Variants in TENM3 observed in about 807,000 individuals in gnomAD.
TENM3 encodes the protein teneurin transmembrane protein 3.
TENM3 carries 63 observed loss-of-function variants against 255.1 expected under a neutral mutation model. The ratio of observed to expected loss-of-function variants is 0.25; its 90% CI spans 0.20 to 0.30. TENM3 has a LOEUF of 0.30. Ranked by LOEUF, TENM3 falls within the 10% of genes least tolerant of loss-of-function variation. The pLI is 1.00. For synonymous variants in TENM3, 1,306 were observed against 1,322.3 expected, an observed-to-expected ratio of 0.99 and a Z score of 0.27; for missense variants, 2,929 against 3,461.1, an observed-to-expected ratio of 0.85 and a Z score of 3.86.
intron 23 of TENM3, among the ~76,000 whole-genome samples, chr4:182,774,318 G>A (rs920187089): frequency 2.3e-4 from 35 of 152,002 alleles, no homozygotes; most frequent in African/African-American, 8.0e-4. Context: ...AACTGCTATT[G>A]CTTGAATTCA....
At chr4:182,014,334 C>T in the TENM3 span, among the ~76,000 whole-genome samples, 1 of 151,926 alleles carries the variant, frequency 6.6e-6, no homozygotes, top group South Asian at 2.1e-4. Flanking sequence ...GGTGCCCATT[C>T]CTCTACCTAT....
intron 10 of TENM3, among the ~76,000 whole-genome samples, chr4:182,681,035 T>G (rs1017491809): frequency 6.6e-6 from 1 of 152,198 alleles, no homozygotes; most frequent in Non-Finnish European, 1.5e-5. Flanking sequence ...ATTTTTCTTT[T>G]TATAGTTTTT....
the TENM3 span, among the ~76,000 whole-genome samples, chr4:181,804,441 G>GA: frequency 6.6e-6 from 1 of 151,978 alleles, no homozygotes; most frequent in Non-Finnish European, 1.5e-5. Flanking sequence ...ATAAACACAA[G>GA]AAAAAATGTG....
chr4:182,585,436 C>T (rs780121197), intron 3 of TENM3, among the ~76,000 whole-genome samples: 6 of 152,250 alleles, frequency 3.9e-5, no homozygotes, highest in Non-Finnish European at 8.8e-5. Flanking sequence ...TAAACGAGGT[C>T]ATCAGGGTGT....
the TENM3 span, among the ~76,000 whole-genome samples, chr4:181,640,416 T>C: frequency 6.6e-6 from 1 of 152,224 alleles, no homozygotes; most frequent in African/African-American, 2.4e-5. Context: ...CAATTGCCCA[T>C]CACTGCTTTC....
chr4:182,365,106 G>A (rs1225079407), intron 3 of TENM3, among the ~76,000 whole-genome samples: 1 of 152,212 alleles, frequency 6.6e-6, no homozygotes, highest in Non-Finnish European at 1.5e-5. Flanking sequence ...CAATTGGACC[G>A]ATGAAACGTG....
At chr4:182,539,549 A>C (rs1453934556) in intron 3 of TENM3, among the ~76,000 whole-genome samples, 1 of 152,210 alleles carries the variant, frequency 6.6e-6, no homozygotes, top group African/African-American at 2.4e-5. Flanking sequence ...ATGAGTGCTC[A>C]AGTGCTATTC....
the TENM3 span, among the ~76,000 whole-genome samples, chr4:182,033,439 G>A: frequency 6.6e-6 from 1 of 152,160 alleles, no homozygotes; most frequent in Non-Finnish European, 1.5e-5. Context: ...TGCATTTGCT[G>A]AGGAGTGTTT....
At chr4:182,486,319 G>GGT (rs1734715702) in intron 3 of TENM3, among the ~76,000 whole-genome samples, 1 of 146,756 alleles carries the variant, frequency 6.8e-6, no homozygotes, top group Admixed American at 6.8e-5. Context: ...TGTGTGTGGG[G>GGT]GGGAGGGTGG....
At chr4:182,626,387 T>C (rs1750820115) in intron 4 of TENM3, among the ~76,000 whole-genome samples, 1 of 152,228 alleles carries the variant, frequency 6.6e-6, no homozygotes, top group African/African-American at 2.4e-5. Flanking sequence ...TGATATGTGA[T>C]TTTGAGCAAA....
intron 5 of TENM3, among the ~76,000 whole-genome samples, chr4:182,632,352 C>T (rs1751449733): frequency 6.6e-6 from 1 of 152,138 alleles, no homozygotes; most frequent in South Asian, 2.1e-4. Context: ...ACAGAGTAGG[C>T]ATGTTTTAAA....
the TENM3 span, among the ~76,000 whole-genome samples, chr4:181,822,677 G>C: frequency 9.2e-5 from 14 of 152,290 alleles, no homozygotes; most frequent in South Asian, 2.7e-3. Flanking sequence ...ACTGCTTAAC[G>C]TATGACAAGT....
the TENM3 span, among the ~76,000 whole-genome samples, chr4:181,734,257 A>G: frequency 6.6e-6 from 1 of 152,094 alleles, no homozygotes; most frequent in Non-Finnish European, 1.5e-5. Context: ...ACCTATATAT[A>G]TATCTACTAA....
At chr4:181,613,656 G>A in the TENM3 span, among the ~76,000 whole-genome samples, 1,522 of 152,198 alleles carry the variant, frequency 0.01, 16 homozygotes, top group Admixed American at 0.037. Flanking sequence ...AAAATAACAC[G>A]TCCTTCCCCA....
chr4:181,747,579 AT>A, the TENM3 span, among the ~76,000 whole-genome samples: 2 of 151,964 alleles, frequency 1.3e-5, no homozygotes, highest in Non-Finnish European at 2.9e-5. Context: ...TGATTTAAAT[AT>A]TTTATTTGAA....
At chr4:181,592,196 C>T in the TENM3 span, among the ~76,000 whole-genome samples, 2 of 149,198 alleles carry the variant, frequency 1.3e-5, no homozygotes, top group Non-Finnish European at 3.0e-5. Context: ...CGATTATATG[C>T]TTTTAAAATG....
chr4:182,500,779 G>A (rs922863627), intron 3 of TENM3, among the ~76,000 whole-genome samples: 1 of 152,052 alleles, frequency 6.6e-6, no homozygotes, highest in African/African-American at 2.4e-5. Context: ...CAGGATAGAG[G>A]ATTGATTAAA....
the TENM3 span, among the ~76,000 whole-genome samples, chr4:181,982,496 A>C: frequency 1.3e-5 from 2 of 152,178 alleles, no homozygotes; most frequent in African/African-American, 2.4e-5. Context: ...CCATTCAGTC[A>C]GATGCTCTCC....
intron 3 of TENM3, among the ~76,000 whole-genome samples, chr4:182,425,736 A>G (rs1020283233): frequency 7.2e-5 from 11 of 152,210 alleles, no homozygotes; most frequent in African/African-American, 1.2e-4. Flanking sequence ...TGGGCTGGGC[A>G]TGATGGCTCC....
Sources: allele counts gnomAD v4.1 joint callset (sites outside exome capture counted in the v4.1 genomes callset), GRCh38; gene constraint gnomAD v4.1.1; transcripts MANE v1.5; gene names NCBI Gene and HGNC (gene_info 2026-07-23, HGNC 2026-07-21).